The following FAT1 variants were observed in gnomAD, a reference collection of about 807,000 sequenced individuals.
The protein encoded by FAT1 is FAT atypical cadherin 1.
In FAT1, 171 loss-of-function variants were observed where a neutral mutation model predicts 329.8. The ratio of observed to expected loss-of-function variants is 0.52; its 90% CI spans 0.46 to 0.59. The LOEUF (loss-of-function observed/expected upper bound fraction) is 0.59, where lower values mean the gene tolerates loss of function less well. Among genes scored for constraint, FAT1 ranks in the 20% least tolerant of loss-of-function variants. FAT1 has a pLI of 0.00. For synonymous variants in FAT1, 2,233 were observed against 2,228.6 expected (o/e 1.00, Z -0.06); for missense variants, 5,672 against 5,774.4 (o/e 0.98, Z 0.57).
At chr4:186,697,384 G>T (rs1744087414) in intron 2 of FAT1, among the ~76,000 whole-genome samples, 1 of 152,202 alleles carries the variant, frequency 6.6e-6, no homozygotes, top group Non-Finnish European at 1.5e-5. Flanking sequence ...GCACAGATGT[G>T]GGTGTGCGCG....
At position 186,708,886 on chromosome 4, in the gene FAT1, C is replaced by G. The variant is rs534098090; in HGVS notation, c.942G>C (p.Glu314Asp). 6.2e-7 allele frequency: 1 copy of G among 1,613,972 alleles called. No individual in the cohort carries two copies. The highest frequency in any genetic ancestry group is 8.5e-7 in the Non-Finnish European group (1 of 1,179,892). Residue 314 changes from glutamate to aspartate, a missense_variant, in exon 2 of 27, where the codon GAG (glutamate) becomes GAC (aspartate). This residue lies in a region of FAT1 where 3,966 missense variants were observed against 3,915.2 expected (regional missense o/e 1.01). Coordinates refer to ENST00000441802, the MANE Select transcript of FAT1 (RefSeq NM_005245.4). ...RTVRSFPGSK[E>D]YKVKAIGGID... ...TGCCACCGATGGCTTTGACTTTATA[C>G]TCCTTACTCCCTGGAAAGGACCTCA...
At chr4:186,677,903 T>C (rs557026541) in intron 2 of FAT1, among the ~76,000 whole-genome samples, 1 of 152,302 alleles carries the variant, frequency 6.6e-6, no homozygotes, top group South Asian at 2.1e-4. Context: ...AACTGTCATG[T>C]ATCTACATTA....
At chr4:186,627,022 G>C (rs1740341363) in intron 9 of FAT1, among the ~76,000 whole-genome samples, 1 of 128,040 alleles carries the variant, frequency 7.8e-6, no homozygotes. Context: ...ATGAATGAAT[G>C]AATGAATGAA....
intron 3 of FAT1, among the ~76,000 whole-genome samples, chr4:186,648,849 G>A (rs564883321): frequency 2.6e-5 from 4 of 152,170 alleles, no homozygotes; most frequent in South Asian, 2.1e-4. Context: ...AAGGTTTCCC[G>A]GTGATTCCAT....
chr4:186,615,723 T>G (rs1189386417), intron 11 of FAT1, among the ~76,000 whole-genome samples: 1 of 152,160 alleles, frequency 6.6e-6, no homozygotes, highest in African/African-American at 2.4e-5. Flanking sequence ...GTCCTCCTCT[T>G]CCTTCCAGCT....
Position 186,707,995 on chromosome 4 carries a change from T to A in FAT1, c.1833A>T (p.Glu611Asp), listed in dbSNP as rs2126692991. The A allele has an allele frequency of 6.2e-7, 1 of 1,613,920 alleles. No homozygotes were observed. The highest frequency in any genetic ancestry group is 8.5e-7 in the Non-Finnish European group (1 of 1,179,874). The change falls in exon 2 of 27, where the codon GAA (glutamate) becomes GAT (aspartate). Residue 611 changes from glutamate to aspartate, a missense_variant. Glu to Asp is a conservative substitution (Grantham distance 45). Coordinates refer to ENST00000441802, the MANE Select transcript of FAT1 (RefSeq NM_005245.4). ...LVQYQIEAGN[E>D]LDFFSLNPNS... ...TGGGGTTTAAACTAAAGAAATCCAG[T>A]TCATTTCCAGCTTCAATCTGATACT...
At chr4:186,610,436 TA>T (rs1438204322) in intron 14 of FAT1, among the ~76,000 whole-genome samples, 1 of 151,758 alleles carries the variant, frequency 6.6e-6, no homozygotes, top group Non-Finnish European at 1.5e-5. Context: ...CTCATATTTT[TA>T]AAATGGAGAT....
chr4:186,598,669 G>A (rs926650404), intron 22 of FAT1: 2 of 152,330 alleles, frequency 1.3e-5, no homozygotes, highest in Admixed American at 6.5e-5. Context: ...GCTGGAACTA[G>A]AGGCATGCCA....
chr4:186,671,608 A>G (rs1306411488), intron 2 of FAT1, among the ~76,000 whole-genome samples: 2 of 152,082 alleles, frequency 1.3e-5, no homozygotes, highest in Non-Finnish European at 1.5e-5. Flanking sequence ...CTGAGGTAGG[A>G]GAATCACTTG....
chr4:186,715,492 A>C (rs554497501), intron 1 of FAT1, among the ~76,000 whole-genome samples: 1 of 152,388 alleles, frequency 6.6e-6, no homozygotes, highest in East Asian at 1.9e-4. Flanking sequence ...TTAACCGTGC[A>C]GTAATGTAAC....
At chr4:186,703,258 C>T (rs1744411551) in intron 2 of FAT1, among the ~76,000 whole-genome samples, 1 of 152,222 alleles carries the variant, frequency 6.6e-6, no homozygotes, top group African/African-American at 2.4e-5. Context: ...GAGCTAAGAA[C>T]ACAGAGCTAA....
chr4:186,719,662 T>C (rs1745375902), intron 1 of FAT1, among the ~76,000 whole-genome samples: 3 of 152,218 alleles, frequency 2.0e-5, no homozygotes, highest in South Asian at 4.1e-4. Flanking sequence ...TTCAAGGAAC[T>C]TGCTTAATCC....
At position 186,636,726 on chromosome 4, in the gene FAT1, G is replaced by T. The variant is rs553222395; in HGVS notation, c.3831C>A (p.Thr1277=). 6.2e-7 allele frequency: 1 copy of T among 1,613,746 alleles called. No individual in the cohort carries two copies. The highest frequency in any genetic ancestry group is 8.5e-7 in the Non-Finnish European group (1 of 1,179,868). The change falls in exon 5 of 27, where the codon ACC becomes ACA. Residue 1277 remains threonine, a synonymous_variant. Transcript: ENST00000441802. Reference sequence around the variant, plus strand: ...CTGCATTGGGGCCCTCATCCTTGTCGGTGGCTATGACGTGATAGAGCGGCT... The same window carrying T: ...CTGCATTGGGGCCCTCATCCTTGTCTGTGGCTATGACGTGATAGAGCGGCT... ...RREPLYHVIA[T]DKDEGPNAEI... is the part of the protein sequence containing the mutation.
rs571248877 is a variant in FAT1 at position 186,593,985 on chromosome 4, T to A, written c.13138+1704A>T. On this transcript the variant is annotated intron_variant, in intron 26 of 26. Transcript: ENST00000441802. Reference sequence around the variant, plus strand: ...AATGAGTAAAATAAAAACACTCCTGTATATATGTTTTTTCTCTGCATTGTA... The same window carrying A: ...AATGAGTAAAATAAAAACACTCCTGAATATATGTTTTTTCTCTGCATTGTA... Among the ~76,000 whole-genome samples, 59 of 152,260 alleles carry A rather than the reference T, an allele frequency of 3.9e-4. 1 individual carries two copies. The South Asian group carries it at 0.012, about 32-fold the overall frequency.
intron 2 of FAT1, among the ~76,000 whole-genome samples, chr4:186,703,301 T>C (rs1330199519): frequency 3.9e-5 from 6 of 152,196 alleles, no homozygotes; most frequent in Non-Finnish European, 8.8e-5. Flanking sequence ...GATTTTTAGG[T>C]AGTCCATAGA....
At chr4:186,691,940 CT>C (rs1311708646) in intron 2 of FAT1, among the ~76,000 whole-genome samples, 1 of 151,730 alleles carries the variant, frequency 6.6e-6, no homozygotes, top group African/African-American at 2.4e-5. Flanking sequence ...TTTTTTTTAC[CT>C]ATAATAATGA....
Position 186,620,582 on chromosome 4 carries a change from T to G in FAT1, c.6004A>C (p.Thr2002Pro), listed in dbSNP as rs149948458. Reference protein sequence around the residue: ...STEAETLAVITAIGNPINEPL... With the variant: ...STEAETLAVIPAIGNPINEPL... ...TCATTGATTGGATTCCCAATAGCAG[T>G]AATGACAGCTAATGTTTCGGCCTCG... Residue 2002 changes from threonine (T) to proline (P), a missense_variant, in exon 10 of 27, where the codon ACT becomes CCT. This residue lies in a region of FAT1 where 3,966 missense variants were observed against 3,915.2 expected (regional missense o/e 1.01). Coordinates refer to ENST00000441802, the MANE Select transcript of FAT1 (RefSeq NM_005245.4). 3.7e-6 allele frequency: 6 copies of G among 1,614,008 alleles called. No homozygotes were observed. Among genetic ancestry groups the G allele is most frequent in the Non-Finnish European group, 5.1e-6 (6 of 1,179,890 alleles).
chr4:186,684,639 G>C (rs1279399024), intron 2 of FAT1, among the ~76,000 whole-genome samples: 1 of 146,478 alleles, frequency 6.8e-6, no homozygotes, highest in African/African-American at 2.6e-5. Flanking sequence ...TGAATGACTG[G>C]ATGTTAATCA....
intron 3 of FAT1, among the ~76,000 whole-genome samples, chr4:186,641,988 C>A (rs1347237413): frequency 3.4e-5 from 5 of 147,604 alleles, no homozygotes; most frequent in African/African-American, 1.0e-4. Flanking sequence ...GCCTGGGCGA[C>A]AGAGCAAAAC....
Sources: gnomAD v4.1 joint callset for allele counts (sites outside exome capture counted in the v4.1 genomes callset) on GRCh38, gnomAD v4.1.1 for gene constraint, gnomAD v4.1.1 regional missense constraint, MANE v1.5 for transcripts, NCBI Gene and HGNC (gene_info 2026-07-23, HGNC 2026-07-21) for gene names.